The following KIF1A variants were observed in gnomAD, a reference collection of about 807,000 sequenced individuals.
The protein encoded by KIF1A is kinesin-like protein KIF1A.
In KIF1A, 46 loss-of-function variants were observed where a neutral mutation model predicts 227.3. That is an observed-to-expected ratio of 0.20 (90% CI 0.16 to 0.26). KIF1A has a LOEUF of 0.26. Ranked by LOEUF, KIF1A falls within the 10% of genes least tolerant of loss-of-function variation. The pLI, the probability that KIF1A is intolerant of heterozygous loss-of-function variation, is 1.00. For synonymous variants in KIF1A, 1,022 were observed against 1,012.8 expected (o/e 1.01, Z -0.17); for missense variants, 1,683 against 2,485.9 (o/e 0.68, Z 6.87).
chr2:240,775,773 A>G lies in KIF1A; in HGVS notation c.958+78T>C, dbSNP rs1038341353. 2 of 962,320 alleles carry G rather than the reference A, an allele frequency of 2.1e-6. No individual in the cohort carries two copies. The highest frequency in any genetic ancestry group is 1.6e-5 in the African/African-American group (1 of 62,194). The allele number at this position is 962,320 out of a possible 1,614,324, so 59.6% of individuals were successfully genotyped here. On this transcript the variant is annotated intron_variant, in intron 11 of 48. Transcript: ENST00000498729. The surrounding 1 kb of genome is among the most constrained non-coding windows in gnomAD (Gnocchi z 5.5). ...GTGAGAGGCCTGCTGGCGACTGGGC[A>G]CCCCCTCAGTGGGGAAGAAGGGCAC...
Position 240,784,816 on chromosome 2 carries a change from CG to C in KIF1A, c.720+172del, listed in dbSNP as rs71404665. On this transcript the variant is annotated intron_variant, in intron 7 of 48. Coordinates refer to ENST00000498729, the MANE Select transcript of KIF1A (RefSeq NM_001244008.2). ...AGGCATGGGAGAAGGGCCTCTGGGG[CG>C]GGGGGGGGGACGTCCACACCTGGTG... is the stretch of plus-strand genomic sequence containing the variant. Among the ~76,000 whole-genome samples, 50,872 of 137,926 alleles carry C rather than the reference CG, an allele frequency of 0.37. 9,544 individuals are homozygous for C. Among genetic ancestry groups the C allele is most frequent in the African/African-American group, 0.53 (20,938 of 39,194 alleles). 90.5% of individuals were successfully genotyped at this position (137,926 alleles called of 152,430 possible).
In KIF1A at chr2:240,734,008, G is replaced by A. The variant is rs148904891; in HGVS notation, c.4007+3055C>T. Reference sequence around the variant, plus strand: ...CACGGGCAGGGGCCTCACTGCAGCCGGGGAAAAGGGAGCCTCCTGCTGGAC... The same window carrying A: ...CACGGGCAGGGGCCTCACTGCAGCCAGGGAAAAGGGAGCCTCCTGCTGGAC... On this transcript the variant is annotated intron_variant, in intron 38 of 48. Transcript: ENST00000498729. Among the ~76,000 whole-genome samples, 1,070 of 152,314 alleles carry A rather than the reference G, an allele frequency of 7.0e-3. 17 individuals carry two copies. Among genetic ancestry groups the A allele is most frequent in the African/African-American group, 0.025 (1,048 of 41,566 alleles).
At chr2:240,771,951 G>A (rs2052057918) in intron 14 of KIF1A, among the ~76,000 whole-genome samples, 1 of 152,328 alleles carries the variant, frequency 6.6e-6, no homozygotes, top group East Asian at 1.9e-4. Context: ...GGGACCACAC[G>A]GGGTGTGGGG....
At chr2:240,734,435 C>A (rs1320676923) in intron 38 of KIF1A, among the ~76,000 whole-genome samples, 2 of 151,962 alleles carry the variant, frequency 1.3e-5, no homozygotes, top group Non-Finnish European at 1.5e-5. Flanking sequence ...CCAGTGTCTA[C>A]TAGGGAGCAG....
chr2:240,814,815 G>T (rs2126256720), intron 1 of KIF1A, among the ~76,000 whole-genome samples: 1 of 152,276 alleles, frequency 6.6e-6, no homozygotes, highest in African/African-American at 2.4e-5. Flanking sequence ...TATTCAGGAG[G>T]CTGAGATAGG....
In KIF1A at chr2:240,722,602, G is replaced by A. The variant is rs755721997; in HGVS notation, c.4519C>T (p.Arg1507Trp). The A allele has an allele frequency of 5.1e-6, 8 of 1,564,394 alleles. No individual in the cohort carries two copies. The highest frequency in any genetic ancestry group is 4.7e-5 in the South Asian group (4 of 84,998). Residue 1507 changes from arginine (R) to tryptophan (W), a missense_variant, in exon 43 of 49, where the codon CGG (arginine) becomes TGG (tryptophan). Physicochemically the swap from Arg to Trp is moderately radical, Grantham distance 101 (BLOSUM62 -3). Coordinates refer to ENST00000498729, the MANE Select transcript of KIF1A (RefSeq NM_001244008.2). ...GGGGACAGTGCCTCCGGGACAGGCC[G>A]CTGGGCGGTCTCCAGCTTCTCCCGC... is the stretch of plus-strand genomic sequence containing the variant. Reference protein sequence around the residue: ...LLREKLETAQRPVPEALSPAF... With the variant: ...LLREKLETAQWPVPEALSPAF...
chr2:240,805,062 AGGG>A (rs2057277664), intron 1 of KIF1A, among the ~76,000 whole-genome samples: 1 of 41,548 alleles, frequency 2.4e-5, no homozygotes, highest in African/African-American at 1.5e-4. Context: ...GGGAGAGGGG[AGGG>A]AGAGGGCAGG....
chr2:240,769,735 T>C (rs761557594), intron 15 of KIF1A, 29 bp from the exon 16 acceptor site: 2 of 1,599,448 alleles, frequency 1.3e-6, no homozygotes, highest in Non-Finnish European at 1.7e-6. Context: ...CACAGTGAGC[T>C]GCCGGGGCTA....
intron 2 of KIF1A, among the ~76,000 whole-genome samples, chr2:240,797,320 C>T (rs1478593408): frequency 2.0e-5 from 3 of 152,198 alleles, no homozygotes; most frequent in Non-Finnish European, 2.9e-5. Flanking sequence ...AGCAACGCTG[C>T]TGCAAGCCAA....
At chr2:240,797,000 C>A (rs1255717299) in intron 2 of KIF1A, among the ~76,000 whole-genome samples, 1 of 152,186 alleles carries the variant, frequency 6.6e-6, no homozygotes, top group Admixed American at 6.5e-5. Context: ...TCCTGAAGAC[C>A]AGGTGGCTGT....
rs186693705 is a variant in KIF1A, at chr2:240,725,099, A to C, written c.4256+172T>G. 5.3e-5 allele frequency among the ~76,000 whole-genome samples: 8 copies of C among 152,040 alleles called. No homozygotes were observed. Among genetic ancestry groups the C allele is most frequent in the Non-Finnish European group, 8.8e-5 (6 of 67,946 alleles). On this transcript the variant is annotated intron_variant, in intron 40 of 48. Transcript: ENST00000498729. This position sits in a 1 kb window ranked among gnomAD's most constrained non-coding sequence, Gnocchi z 5.8. ...GAACCATGGCCTCCACAGAGTCTTCATCTAGGGTGAGCAGGAGGGGACTGA... is the reference window on the plus strand; with the variant it reads ...GAACCATGGCCTCCACAGAGTCTTCCTCTAGGGTGAGCAGGAGGGGACTGA...
Position 240,757,461 on chromosome 2 carries a change from C to T in KIF1A, c.2716G>A (p.Val906Met), listed in dbSNP as rs763933124. The change falls in exon 27 of 49, where the codon GTG (valine) becomes ATG (methionine). Residue 906 changes from valine (V) to methionine (M), a missense_variant. Physicochemically the swap from Val to Met is conservative, Grantham distance 21. Around this residue, in one of 12 missense-constraint regions of KIF1A, gnomAD observed 759 missense variants for 1,020.2 expected, o/e 0.74. Transcript: ENST00000498729. The surrounding 1 kb of genome is among the most constrained non-coding windows in gnomAD (Gnocchi z 6.2). ...TCCTCCTCCTCCTCCTCCTCCCCCA[C>T]GCTCTGCTCCTCGGCAGGCTCGGTG... ...DATEPAEEQS[V>M]GEEEEEEEEE... 28 of 1,550,148 alleles carry T rather than the reference C, an allele frequency of 1.8e-5. No homozygotes were observed. Among genetic ancestry groups the T allele is most frequent in the Middle Eastern group, 1.7e-4 (1 of 5,988 alleles).
intron 8 of KIF1A, among the ~76,000 whole-genome samples, chr2:240,783,526 G>A (rs567821781): frequency 3.2e-4 from 48 of 152,258 alleles, no homozygotes; most frequent in Non-Finnish European, 5.1e-4. Flanking sequence ...ACACCGTCCC[G>A]CCAAACCCCT....
chr2:240,819,405 A>G (rs1360884302), intron 1 of KIF1A, among the ~76,000 whole-genome samples: 1 of 151,696 alleles, frequency 6.6e-6, no homozygotes, highest in Non-Finnish European at 1.5e-5. Context: ...GGCCCCTCCC[A>G]GGTGCTGGGT....
rs1037640832 is a variant in KIF1A, at chr2:240,716,000, T to G, written c.*1364A>C. On this transcript the variant is annotated 3_prime_UTR_variant, in exon 49 of 49. Coordinates refer to ENST00000498729, the MANE Select transcript of KIF1A (RefSeq NM_001244008.2). ...TAAAACCTCCCTAGGCCTCTGGACA[T>G]GACTCCTATGACCAGACTCTCAGCT... 1 of 152,266 alleles carries G rather than the reference T, an allele frequency of 6.6e-6. No individual in the cohort carries two copies. Among genetic ancestry groups the G allele is most frequent in the Non-Finnish European group, 1.5e-5 (1 of 68,032 alleles). 9.4% of individuals were successfully genotyped at this position (152,266 alleles called of 1,614,324 possible). A position where few individuals can be genotyped will look rare whatever the true frequency, so the allele number is the denominator to read the frequency against.
intron 4 of KIF1A, 120 bp downstream of exon 4, chr2:240,787,931 C>A: frequency 1.0e-6 from 1 of 954,856 alleles, no homozygotes; most frequent in Non-Finnish European, 1.6e-6. Context: ...AGCTGGCCTT[C>A]CCCTCCTGAC....
At chr2:240,780,747 C>A (rs1010383491) in intron 10 of KIF1A, among the ~76,000 whole-genome samples, 3 of 151,240 alleles carry the variant, frequency 2.0e-5, no homozygotes, top group Admixed American at 6.6e-5. Flanking sequence ...ACACACAGTT[C>A]TCTGCAGGCT....
At position 240,788,342 on chromosome 2, in the gene KIF1A, C is replaced by T; in HGVS notation, c.184-112G>A. ...AGGGCCTCAGGGTGCCAGGGCAGCA[C>T]AGTGGGGAGGGATGCCTGCCCCCCA... is the stretch of plus-strand genomic sequence containing the variant. On this transcript the variant is annotated intron_variant, in intron 3 of 48. Transcript: ENST00000498729. This position sits in a 1 kb window ranked among gnomAD's most constrained non-coding sequence, Gnocchi z 6.6. 1.0e-6 allele frequency: 1 copy of T among 961,162 alleles called. No individual in the cohort carries two copies. Among genetic ancestry groups the T allele is most frequent in the Non-Finnish European group, 1.6e-6 (1 of 620,628 alleles). 59.5% of individuals were successfully genotyped at this position (961,162 alleles called of 1,614,324 possible). A position where few individuals can be genotyped will look rare whatever the true frequency, so the allele number is the denominator to read the frequency against.
At chr2:240,817,906 C>T (rs977486254) in intron 1 of KIF1A, among the ~76,000 whole-genome samples, 2 of 152,234 alleles carry the variant, frequency 1.3e-5, no homozygotes, top group African/African-American at 4.8e-5. Context: ...GCTGGGCGGC[C>T]GGGCAGTGAC....
Sources: gnomAD v4.1 joint callset for allele counts (sites outside exome capture counted in the v4.1 genomes callset) on GRCh38, gnomAD v4.1.1 for gene constraint, gnomAD v4.1.1 regional missense constraint, Gnocchi (gnomAD v3.1) non-coding constraint, MANE v1.5 for transcripts, NCBI Gene and HGNC (gene_info 2026-07-23, HGNC 2026-07-21) for gene names.